The following CDIN1 variants were observed in gnomAD, a reference collection of about 807,000 sequenced individuals.
CDIN1 encodes CDAN1 interacting nuclease 1, also known as CDAN1-interacting nuclease 1.
In CDIN1, 33 loss-of-function variants were observed where a neutral mutation model predicts 45.3. The observed-to-expected ratio is 0.73, with a 90% CI of 0.55 to 0.97. The LOEUF (loss-of-function observed/expected upper bound fraction) is 0.97. Ranked by LOEUF, CDIN1 falls within the 50% of genes least tolerant of loss-of-function variation. CDIN1 has a pLI of 0.00. For synonymous variants in CDIN1, 118 were observed against 124.4 expected (o/e 0.95, Z 0.34); for missense variants, 303 against 339.4 (o/e 0.89, Z 0.84).
chr15:36,619,281 A>G (rs58171141), intron 1 of CDIN1: 213,104 of 1,061,758 alleles, frequency 0.2, 22,673 homozygotes, highest in African/African-American at 0.33. Flanking sequence ...AAACAACAAA[A>G]CTATTCAAAA....
intron 10 of CDIN1, among the ~76,000 whole-genome samples, chr15:36,742,529 C>CT (rs1238028298): frequency 6.6e-6 from 1 of 152,124 alleles, no homozygotes; most frequent in Non-Finnish European, 1.5e-5. Flanking sequence ...GTAAAATAAA[C>CT]TTTTTCAGGT....
chr15:36,592,802 A>G (rs2037643049), intron 1 of CDIN1, among the ~76,000 whole-genome samples: 2 of 152,090 alleles, frequency 1.3e-5, no homozygotes, highest in African/African-American at 4.8e-5. Context: ...TAGAAAAGTG[A>G]ATCCTTTTTA....
intron 1 of CDIN1, among the ~76,000 whole-genome samples, chr15:36,583,346 T>C (rs2037134195): frequency 2.6e-5 from 4 of 152,230 alleles, no homozygotes; most frequent in Admixed American, 2.6e-4. Flanking sequence ...TTTCTCCAGC[T>C]TAATTTTTCC....
chr15:36,709,866 G>A lies in CDIN1; in HGVS notation c.621G>A (p.Gly207=), dbSNP rs367574205. ...FILQVPVAVE[G]HIIHWIESKA... is the part of the protein sequence containing the mutation. ...TGCTTTGTCCCTTAGCTGTAGAAGGGCACATAATTCACTGGATTGAAAGCA... is the reference window on the plus strand; with the variant it reads ...TGCTTTGTCCCTTAGCTGTAGAAGGACACATAATTCACTGGATTGAAAGCA... Residue 207 remains glycine, a synonymous_variant, in exon 10 of 11, where the codon GGG becomes GGA. Transcript: ENST00000566621. The A allele has an allele frequency of 1.3e-5, 21 of 1,612,978 alleles. No homozygotes were observed. The highest frequency in any genetic ancestry group is 1.7e-5 in the Non-Finnish European group (20 of 1,179,304).
chr15:36,698,327 A>T (rs2042510661), intron 8 of CDIN1, among the ~76,000 whole-genome samples: 1 of 152,204 alleles, frequency 6.6e-6, no homozygotes, highest in East Asian at 1.9e-4. Context: ...GTATTATAAG[A>T]TTGTTTTAAT....
chr15:36,618,728 C>T (rs2039012666), intron 1 of CDIN1: 4 of 769,786 alleles, frequency 5.2e-6, no homozygotes, highest in Non-Finnish European at 9.5e-6. Flanking sequence ...TCTCCATGTG[C>T]AGCTGAGCCT....
chr15:36,721,096 A>G (rs1173393951), intron 10 of CDIN1, among the ~76,000 whole-genome samples: 1 of 91,656 alleles, frequency 1.1e-5, no homozygotes, highest in African/African-American at 5.0e-5. Context: ...ATGTCTGTTC[A>G]TATCCTTTGC....
intron 1 of CDIN1, chr15:36,613,633 T>A (rs12911214): frequency 0.31 from 438,060 of 1,419,826 alleles, 69,795 homozygotes; most frequent in Middle Eastern, 0.39. Flanking sequence ...CCTTGAACCG[T>A]AGGATCAAGC....
chr15:36,806,693 T>C (rs2055237136), intron 10 of CDIN1, among the ~76,000 whole-genome samples: 2 of 152,182 alleles, frequency 1.3e-5, no homozygotes, highest in African/African-American at 4.8e-5. Flanking sequence ...TTTTGACAAA[T>C]CTGAGATCAT....
At chr15:36,663,746 G>A (rs746237726) in intron 5 of CDIN1, among the ~76,000 whole-genome samples, 16 of 152,120 alleles carry the variant, frequency 1.1e-4, no homozygotes, top group Non-Finnish European at 1.8e-4. Context: ...CCGAAGGAGA[G>A]TACTATTACA....
chr15:36,693,517 T>TA (rs2042321042), intron 7 of CDIN1, among the ~76,000 whole-genome samples: 1 of 152,172 alleles, frequency 6.6e-6, no homozygotes, highest in Non-Finnish European at 1.5e-5. Flanking sequence ...GGGGTTGAAT[T>TA]ACATGTTAAT....
At chr15:36,651,254 T>C (rs576193930) in intron 3 of CDIN1, among the ~76,000 whole-genome samples, 50 of 152,186 alleles carry the variant, frequency 3.3e-4, no homozygotes, top group African/African-American at 1.2e-3. Flanking sequence ...GGATGAAGGT[T>C]CAACATTCAT....
At chr15:36,603,260 T>G (rs556986158) in intron 1 of CDIN1, among the ~76,000 whole-genome samples, 2 of 152,324 alleles carry the variant, frequency 1.3e-5, no homozygotes, top group South Asian at 4.1e-4. Context: ...ACACATTCCC[T>G]TTAACTAACC....
intron 10 of CDIN1, among the ~76,000 whole-genome samples, chr15:36,760,711 G>C (rs1287662671): frequency 2.7e-5 from 3 of 111,704 alleles, no homozygotes; most frequent in African/African-American, 1.1e-4. Flanking sequence ...GAGCATCTAA[G>C]AAATGGTGGT....
At chr15:36,724,829 G>A (rs1004712659) in intron 10 of CDIN1, among the ~76,000 whole-genome samples, 1 of 152,004 alleles carries the variant, frequency 6.6e-6, no homozygotes, top group Non-Finnish European at 1.5e-5. Context: ...TTTTAGTCTG[G>A]TTGCACTGAA....
chr15:36,799,460 A>G (rs920771344), intron 10 of CDIN1: 8 of 152,102 alleles, frequency 5.3e-5, no homozygotes, highest in African/African-American at 1.9e-4. Context: ...CATCCCTCTA[A>G]GTCTCTCGGG....
At chr15:36,591,291 G>A (rs1299330250) in intron 1 of CDIN1, among the ~76,000 whole-genome samples, 2 of 152,170 alleles carry the variant, frequency 1.3e-5, no homozygotes, top group South Asian at 4.1e-4. Context: ...TTTGCTTAAG[G>A]TATATTACAC....
intron 7 of CDIN1, 31 bp from the exon 8 acceptor site, chr15:36,697,292 C>T: frequency 6.3e-7 from 1 of 1,598,884 alleles, no homozygotes; most frequent in Non-Finnish European, 8.6e-7. Context: ...ATAATTCTGC[C>T]TGTGTTACCC....
intron 10 of CDIN1, among the ~76,000 whole-genome samples, chr15:36,729,470 G>A (rs2043762229): frequency 1.3e-5 from 2 of 152,088 alleles, no homozygotes; most frequent in Non-Finnish European, 2.9e-5. Context: ...CCTGTCTTTT[G>A]ATTAGCATGG....
Sources: gnomAD v4.1 joint callset for allele counts (sites outside exome capture counted in the v4.1 genomes callset) on GRCh38, gnomAD v4.1.1 for gene constraint, MANE v1.5 for transcripts, NCBI Gene and HGNC (gene_info 2026-07-23, HGNC 2026-07-21) for gene names.